The following CFDP1 variants were observed in gnomAD, a reference collection of about 807,000 sequenced individuals.
CFDP1 encodes the protein heterochromatin-stabilizing protein CFDP1.
A neutral mutation model predicts 40.1 loss-of-function variants in CFDP1; 31 were observed. The observed-to-expected ratio is 0.77, with a 90% CI of 0.58 to 1.04. CFDP1 has a LOEUF of 1.04. Ranked by LOEUF, CFDP1 falls within the 50% of genes least tolerant of loss-of-function variation. CFDP1 has a pLI of 0.00. For synonymous variants in CFDP1, 167 were observed against 120.0 expected (o/e 1.39, Z -2.56); for missense variants, 423 against 343.4 (o/e 1.23, Z -1.83).
intron 5 of CFDP1, among the ~76,000 whole-genome samples, chr16:75,332,336 G>T (rs553446267): frequency 6.6e-6 from 1 of 151,982 alleles, no homozygotes; most frequent in African/African-American, 2.4e-5. Context: ...GTAGTGGCAC[G>T]CACCTATAAT....
chr16:75,329,230 C>T (rs1323123726), intron 5 of CFDP1, among the ~76,000 whole-genome samples: 1 of 152,156 alleles, frequency 6.6e-6, no homozygotes, highest in Non-Finnish European at 1.5e-5. Context: ...AGGTGATCTG[C>T]CTGCACTGGC....
At chr16:75,299,253 C>G (rs556533061) in intron 6 of CFDP1, among the ~76,000 whole-genome samples, 1 of 152,298 alleles carries the variant, frequency 6.6e-6, no homozygotes, top group East Asian at 1.9e-4. Flanking sequence ...ATGGAAACAT[C>G]ATTCTGACGT....
At chr16:75,298,932 A>G (rs774558161) in intron 6 of CFDP1, among the ~76,000 whole-genome samples, 24 of 152,166 alleles carry the variant, frequency 1.6e-4, no homozygotes, top group Non-Finnish European at 2.8e-4. Flanking sequence ...CTGGTCTCCA[A>G]TTGTAACCTT....
intron 5 of CFDP1, among the ~76,000 whole-genome samples, chr16:75,366,153 GATAAGT>G (rs935228241): frequency 4.6e-5 from 7 of 152,152 alleles, no homozygotes; most frequent in African/African-American, 1.7e-4. Flanking sequence ...TGATGAATGG[GATAAGT>G]ATAATGTGGT....
chr16:75,426,170 G>A (rs953833907), intron 1 of CFDP1, among the ~76,000 whole-genome samples: 1 of 150,914 alleles, frequency 6.6e-6, no homozygotes, highest in Non-Finnish European at 1.5e-5. Context: ...GACCAACATG[G>A]AGAAACCCTG....
chr16:75,389,354 T>C (rs1008081757), intron 5 of CFDP1, among the ~76,000 whole-genome samples: 3 of 152,242 alleles, frequency 2.0e-5, no homozygotes, highest in Non-Finnish European at 4.4e-5. Context: ...AGAGTAATTT[T>C]TGTAGTTTGA....
chr16:75,378,855 A>G (rs375054331), intron 5 of CFDP1, among the ~76,000 whole-genome samples: 2 of 152,344 alleles, frequency 1.3e-5, no homozygotes, highest in East Asian at 3.9e-4. Flanking sequence ...GGCCCATAAA[A>G]TTAATATCAA....
chr16:75,401,784 G>A (rs1017201894), intron 4 of CFDP1, among the ~76,000 whole-genome samples: 2 of 152,146 alleles, frequency 1.3e-5, no homozygotes, highest in African/African-American at 4.8e-5. Flanking sequence ...AGAGTCACCT[G>A]AGACAATTAG....
intron 4 of CFDP1, among the ~76,000 whole-genome samples, chr16:75,405,067 GT>G (rs1183020802): frequency 6.6e-6 from 1 of 152,152 alleles, no homozygotes; most frequent in African/African-American, 2.4e-5. Flanking sequence ...TTAGAAACTT[GT>G]TCAGCAATTT....
chr16:75,333,404 T>A (rs2078462479), intron 5 of CFDP1, among the ~76,000 whole-genome samples: 1 of 152,204 alleles, frequency 6.6e-6, no homozygotes, highest in Non-Finnish European at 1.5e-5. Context: ...ATTACAGGCA[T>A]GAGCCACCAC....
chr16:75,327,716 G>A (rs2078412875), intron 5 of CFDP1, among the ~76,000 whole-genome samples: 1 of 151,998 alleles, frequency 6.6e-6, no homozygotes, highest in Non-Finnish European at 1.5e-5. Context: ...TCAGGTCAAC[G>A]CCAAATTATT....
chr16:75,324,187 G>A (rs751175370), intron 5 of CFDP1, among the ~76,000 whole-genome samples: 15 of 152,132 alleles, frequency 9.9e-5, no homozygotes, highest in African/African-American at 1.4e-4. Context: ...AAGTGCAGTA[G>A]AGCATAAGAG....
chr16:75,294,077 C>T, intron 6 of CFDP1, 35 bp from the exon 7 acceptor site: 1 of 1,557,560 alleles, frequency 6.4e-7, no homozygotes. Context: ...CAGTAGAATC[C>T]AGTAGGAAAA....
chr16:75,403,563 C>T (rs961680615), intron 4 of CFDP1, among the ~76,000 whole-genome samples: 1 of 152,120 alleles, frequency 6.6e-6, no homozygotes, highest in Non-Finnish European at 1.5e-5. Context: ...TTTTTGTACA[C>T]TCTATGTGAG....
chr16:75,303,320 C>A (rs1018609706), intron 6 of CFDP1, among the ~76,000 whole-genome samples: 40 of 152,004 alleles, frequency 2.6e-4, no homozygotes, highest in African/African-American at 9.7e-4. Context: ...GACCCAAGAT[C>A]ACGCCATTGC....
At chr16:75,390,183 G>T (rs1335396822) in intron 5 of CFDP1, among the ~76,000 whole-genome samples, 1 of 152,112 alleles carries the variant, frequency 6.6e-6, no homozygotes, top group Non-Finnish European at 1.5e-5. Context: ...GTAGCTCCTG[G>T]TTGGCCCCTA....
At chr16:75,297,063 AC>A (rs775759293) in intron 6 of CFDP1, among the ~76,000 whole-genome samples, 2 of 152,044 alleles carry the variant, frequency 1.3e-5, no homozygotes, top group African/African-American at 2.4e-5. Context: ...ATCCAATGAA[AC>A]TGTGAGAAGT....
chr16:75,399,741 G>A (rs1049130159), intron 4 of CFDP1, among the ~76,000 whole-genome samples: 4 of 152,056 alleles, frequency 2.6e-5, no homozygotes, highest in African/African-American at 7.2e-5. Context: ...CAGCACTTTG[G>A]GAGGCCAAGG....
intron 5 of CFDP1, among the ~76,000 whole-genome samples, chr16:75,359,899 T>C (rs1465475963): frequency 6.6e-6 from 1 of 152,192 alleles, no homozygotes; most frequent in Non-Finnish European, 1.5e-5. Context: ...CACATTTGCA[T>C]TGCTAATGGC....
Sources: allele counts gnomAD v4.1 joint callset (sites outside exome capture counted in the v4.1 genomes callset), GRCh38; gene constraint gnomAD v4.1.1; transcripts MANE v1.5; gene names NCBI Gene and HGNC (gene_info 2026-07-23, HGNC 2026-07-21).